The following NEK1 variants were observed in gnomAD, a reference collection of about 807,000 sequenced individuals.
The protein encoded by NEK1 is serine/threonine-protein kinase Nek1.
A neutral mutation model predicts 182.1 loss-of-function variants in NEK1; 137 were observed. The observed-to-expected ratio is 0.75, with a 90% confidence interval of 0.65 to 0.87. NEK1 has a LOEUF of 0.87. Ranked by LOEUF, NEK1 falls within the 40% of genes least tolerant of loss-of-function variation. The pLI is 0.00. For synonymous variants in NEK1, 513 were observed against 492.2 expected, an observed-to-expected ratio of 1.04 and a Z score of -0.56; for missense variants, 1,391 against 1,494.4, an observed-to-expected ratio of 0.93 and a Z score of 1.14.
intron 2 of NEK1, among the ~76,000 whole-genome samples, chr4:169,606,955 T>C (rs1180122781): frequency 2.6e-5 from 4 of 152,180 alleles, no homozygotes; most frequent in Non-Finnish European, 5.9e-5. Context: ...ACAATGGAGC[T>C]CAAGTATAAA....
chr4:169,561,793 C>T (rs1264689191), intron 14 of NEK1, 39 bp downstream of exon 14: 1 of 1,602,778 alleles, frequency 6.2e-7, no homozygotes, highest in Non-Finnish European at 8.5e-7. Flanking sequence ...TATCACTTAA[C>T]AACTTGCCAA....
At chr4:169,429,657 A>C (rs1436256717) in intron 29 of NEK1, among the ~76,000 whole-genome samples, 2 of 152,146 alleles carry the variant, frequency 1.3e-5, no homozygotes, top group African/African-American at 4.8e-5. Flanking sequence ...TCTGACTAGC[A>C]GTGACATTCA....
intron 18 of NEK1, among the ~76,000 whole-genome samples, chr4:169,550,783 T>A (rs543756207): frequency 6.6e-6 from 1 of 152,298 alleles, no homozygotes; most frequent in East Asian, 1.9e-4. Context: ...CTAACACACA[T>A]ATTTTCTCCC....
chr4:169,468,710 C>A (rs925034634), intron 26 of NEK1, among the ~76,000 whole-genome samples: 6 of 152,094 alleles, frequency 3.9e-5, no homozygotes, highest in African/African-American at 1.4e-4. Flanking sequence ...CTCCTCTGTA[C>A]CTCTGGTAGA....
intron 23 of NEK1, among the ~76,000 whole-genome samples, chr4:169,493,124 G>A (rs1472614689): frequency 6.6e-6 from 1 of 152,030 alleles, no homozygotes; most frequent in East Asian, 1.9e-4. Flanking sequence ...GAATTACACC[G>A]CCAAGCAAAA....
intron 28 of NEK1, among the ~76,000 whole-genome samples, chr4:169,437,148 C>T (rs1311984485): frequency 6.6e-6 from 1 of 152,158 alleles, no homozygotes; most frequent in Non-Finnish European, 1.5e-5. Context: ...TGCTTCCCAT[C>T]TTCCTTGTTT....
chr4:169,424,560 T>G lies in NEK1; in HGVS notation c.3215A>C (p.Asn1072Thr), dbSNP rs758179393. The change falls in exon 31 of 36, where the codon AAC (asparagine) becomes ACC (threonine). Residue 1072 changes from asparagine to threonine, a missense_variant. Transcript: ENST00000507142. ...GLSTGLFDAN[N>T]PKMLRTCSLP... ...CTTGAGGACCATACTTGCCTTTGGGTTGTTTGCATCAAACAGACCAGTTGA... is the reference window on the plus strand; with the variant it reads ...CTTGAGGACCATACTTGCCTTTGGGGTGTTTGCATCAAACAGACCAGTTGA... The G allele has an allele frequency of 2.5e-6, 4 of 1,592,334 alleles. No individual in the cohort carries two copies. The Admixed American group carries it at 6.8e-5, about 27-fold the overall frequency.
chr4:169,438,895 G>GGTCA (rs1738904415), intron 27 of NEK1, among the ~76,000 whole-genome samples: 1 of 152,016 alleles, frequency 6.6e-6, no homozygotes, highest in Admixed American at 6.6e-5. Context: ...GCACTCCAAT[G>GGTCA]GTCATATCTT....
At chr4:169,561,170 G>A (rs1042910828) in intron 16 of NEK1, among the ~76,000 whole-genome samples, 4 of 152,154 alleles carry the variant, frequency 2.6e-5, no homozygotes, top group African/African-American at 4.8e-5. Flanking sequence ...TGAAATTACA[G>A]AACGATTTTA....
chr4:169,436,373 T>G (rs181902625), intron 28 of NEK1, among the ~76,000 whole-genome samples: 1 of 152,212 alleles, frequency 6.6e-6, no homozygotes, highest in East Asian at 1.9e-4. Flanking sequence ...ATGACATTGT[T>G]GGTGAGAGAC....
chr4:169,437,983 A>T, intron 28 of NEK1, 100 bp downstream of exon 28: 16 of 887,866 alleles, frequency 1.8e-5, no homozygotes, highest in Non-Finnish European at 2.6e-5. Context: ...TGAGATAATT[A>T]CCCAAACATA....
chr4:169,445,664 G>T (rs1740361425), intron 27 of NEK1, among the ~76,000 whole-genome samples: 1 of 151,248 alleles, frequency 6.6e-6, no homozygotes, highest in Non-Finnish European at 1.5e-5. Flanking sequence ...AGATGATGAG[G>T]ACTCCAAAAG....
Position 169,555,763 on chromosome 4 carries a change from A to G in NEK1, c.1519T>C (p.Leu507=). ...TTAGACACCGCCTTCAATCTTTTCA[A>G]AGTTTTTCTAATATCATCAGCATCA... ...FPDADDIRKT[L]KRLKAVSKQA... Residue 507 remains leucine, a synonymous_variant, in exon 18 of 36, where the codon TTG becomes CTG. Transcript: ENST00000507142. The G allele has an allele frequency of 1.2e-6, 2 of 1,613,882 alleles. No homozygotes were observed. Among genetic ancestry groups the G allele is most frequent in the East Asian group, 4.5e-5 (2 of 44,884 alleles).
At chr4:169,542,809 G>T (rs1316854178) in intron 18 of NEK1, among the ~76,000 whole-genome samples, 1 of 151,602 alleles carries the variant, frequency 6.6e-6, no homozygotes, top group Non-Finnish European at 1.5e-5. Flanking sequence ...TTTGAGAAGT[G>T]TCTGTTCATA....
At chr4:169,490,338 C>T (rs536055916) in intron 23 of NEK1, among the ~76,000 whole-genome samples, 72 of 152,248 alleles carry the variant, frequency 4.7e-4, no homozygotes, top group Middle Eastern at 6.8e-3. Flanking sequence ...GTAAAATCAT[C>T]CCCTACAAAA....
intron 26 of NEK1, among the ~76,000 whole-genome samples, chr4:169,475,346 G>C (rs1397104205): frequency 6.6e-6 from 1 of 152,120 alleles, no homozygotes. Context: ...TCCTTCCGTA[G>C]AGCACTCAGA....
chr4:169,424,716 T>C lies in NEK1; in HGVS notation c.3059A>G (p.His1020Arg). The C allele has an allele frequency of 6.2e-7, 1 of 1,613,900 alleles. No individual in the cohort carries two copies. The highest frequency in any genetic ancestry group is 8.5e-7 in the Non-Finnish European group (1 of 1,179,822). The change falls in exon 31 of 36, where the codon CAT (histidine) becomes CGT (arginine). Residue 1020 changes from histidine (H) to arginine (R), a missense_variant. By Grantham distance (29) the His-to-Arg change is conservative. This residue lies in a region of NEK1 where 1,216 missense variants were observed against 1,277.6 expected (regional missense o/e 0.95). Coordinates refer to ENST00000507142, the MANE Select transcript of NEK1 (RefSeq NM_001199397.3). The part of the protein sequence containing the change: ...QPEPFFHKVV[H>R]SEHLNLVPQV... ...AGGGACTAAGTTCAAGTGTTCAGAA[T>C]GAACCACCTTATGGAAAAATGGTTC...
chr4:169,578,207 TCTA>T (rs1239785267), intron 11 of NEK1, among the ~76,000 whole-genome samples: 1 of 152,056 alleles, frequency 6.6e-6, no homozygotes, highest in Non-Finnish European at 1.5e-5. Flanking sequence ...AAAAGGAAAT[TCTA>T]CTATTTATTC....
At chr4:169,407,528 C>A (rs565399276) in intron 31 of NEK1, among the ~76,000 whole-genome samples, 19 of 152,224 alleles carry the variant, frequency 1.2e-4, no homozygotes, top group African/African-American at 4.3e-4. Flanking sequence ...ACTCAGCCAA[C>A]TGAGTTGAGG....
Sources: allele counts gnomAD v4.1 joint callset (sites outside exome capture counted in the v4.1 genomes callset), GRCh38; gene constraint gnomAD v4.1.1; regional missense constraint gnomAD v4.1.1; transcripts MANE v1.5; gene names NCBI Gene and HGNC (gene_info 2026-07-23, HGNC 2026-07-21).